The following ZNF626 variants were observed in gnomAD, a reference collection of about 807,000 sequenced individuals.
The protein encoded by ZNF626 is CTC-513N18.7.
A neutral mutation model predicts 11.7 loss-of-function variants in ZNF626; 4 were observed. The ratio of observed to expected loss-of-function variants is 0.34; its 90% CI spans 0.17 to 0.78. The LOEUF (loss-of-function observed/expected upper bound fraction) is 0.78. Ranked by LOEUF, ZNF626 falls within the 30% of genes least tolerant of loss-of-function variation. The pLI is 0.57. For missense variants in ZNF626, 588 were observed against 587.1 expected, an observed-to-expected ratio of 1.00 and a Z score of -0.01; for synonymous variants, 179 against 198.6, an observed-to-expected ratio of 0.90 and a Z score of 0.83.
At chr19:20,637,899 GA>G (rs1969983371) in intron 3 of ZNF626, among the ~76,000 whole-genome samples, 1 of 152,072 alleles carries the variant, frequency 6.6e-6, no homozygotes, top group Non-Finnish European at 1.5e-5. Flanking sequence ...TAGGACTTTG[GA>G]AGGCCAACGT....
chr19:20,622,157 C>G lies in ZNF626; in HGVS notation c.*2133G>C, dbSNP rs1213222119. On this transcript the variant is annotated 3_prime_UTR_variant, in exon 4 of 4. Transcript: ENST00000601440. ...ATTGTGCTGAGACTGCACTGCTGCCCTCCAGCCTGGGTGACAGAGCAAGAC... is the reference window on the plus strand; with the variant it reads ...ATTGTGCTGAGACTGCACTGCTGCCGTCCAGCCTGGGTGACAGAGCAAGAC... 6.6e-6 allele frequency: 1 copy of G among 152,096 alleles called. No homozygotes were observed. Among genetic ancestry groups the G allele is most frequent in the Admixed American group, 6.5e-5 (1 of 15,272 alleles). 9.4% of individuals were successfully genotyped at this position (152,096 alleles called of 1,614,324 possible).
intron 3 of ZNF626, among the ~76,000 whole-genome samples, chr19:20,626,718 C>T (rs782653335): frequency 6.6e-6 from 1 of 152,046 alleles, no homozygotes; most frequent in Admixed American, 6.6e-5. Flanking sequence ...GCAAGACTGT[C>T]TCAAAAATAA....
At chr19:20,645,906 C>A (rs904225859) in intron 2 of ZNF626, 127 bp from the exon 3 acceptor site, 18 of 684,212 alleles carry the variant, frequency 2.6e-5, no homozygotes, top group Non-Finnish European at 4.3e-6. Context: ...TAAGTTGTAA[C>A]AGAAATTTTT....
Position 20,646,358 on chromosome 19 carries a change from C to G in ZNF626, c.51G>C (p.Glu17Asp), listed in dbSNP as rs144530695. The change falls in exon 2 of 4, where the codon GAG becomes GAC. Residue 17 changes from glutamate (E) to aspartate (D), a missense_variant. Glu to Asp is a conservative substitution (Grantham distance 45, BLOSUM62 2). Coordinates refer to ENST00000601440, the MANE Select transcript of ZNF626 (RefSeq NM_001076675.3). ...GCTGTGCAGTGTCCAGGCAATGCCACTCCTCCAGAGAGAATTCTATGGCCA... is the reference window on the plus strand; with the variant it reads ...GCTGTGCAGTGTCCAGGCAATGCCAGTCCTCCAGAGAGAATTCTATGGCCA... ...RDVAIEFSLE[E>D]WHCLDTAQRN... The G allele has an allele frequency of 2.5e-6, 4 of 1,613,994 alleles. No individual in the cohort carries two copies. In the African/African-American group the frequency reaches 5.3e-5, roughly 22 times the overall value.
chr19:20,622,123 G>T lies in ZNF626; in HGVS notation c.*2167C>A, dbSNP rs1241791315. ...AATTTCTTGAACTTGGGAGGTGGAG[G>T]TTGCAGTCATTGTGCTGAGACTGCA... On this transcript the variant is annotated 3_prime_UTR_variant, in exon 4 of 4. Coordinates refer to ENST00000601440, the MANE Select transcript of ZNF626 (RefSeq NM_001076675.3). 6.6e-6 allele frequency: 1 copy of T among 152,200 alleles called. No homozygotes were observed. Among genetic ancestry groups the T allele is most frequent in the African/African-American group, 2.4e-5 (1 of 41,442 alleles). 9.4% of individuals were successfully genotyped at this position (152,200 alleles called of 1,614,324 possible).
chr19:20,653,459 A>C (rs1970169232), intron 1 of ZNF626, among the ~76,000 whole-genome samples: 1 of 152,080 alleles, frequency 6.6e-6, no homozygotes, highest in Non-Finnish European at 1.5e-5. Flanking sequence ...ATTGAAGAGG[A>C]CATCTGTGTA....
chr19:20,634,023 C>T (rs1234565387), intron 3 of ZNF626, among the ~76,000 whole-genome samples: 2 of 152,142 alleles, frequency 1.3e-5, no homozygotes, highest in African/African-American at 2.4e-5. Flanking sequence ...AACTGTCATA[C>T]TTTATAAAGT....
At chr19:20,625,745 T>A (rs1969823098) in intron 3 of ZNF626, 95 bp from the exon 4 acceptor site, 1 of 1,274,674 alleles carries the variant, frequency 7.8e-7, no homozygotes, top group Middle Eastern at 2.0e-4. Flanking sequence ...ACAAACTACA[T>A]AAGCAAGATG....
chr19:20,636,127 C>T (rs918708011), intron 3 of ZNF626, among the ~76,000 whole-genome samples: 3 of 151,978 alleles, frequency 2.0e-5, no homozygotes, highest in Non-Finnish European at 2.9e-5. Flanking sequence ...AGTGAAATTC[C>T]CTCTCAAAAA....
chr19:20,632,829 G>A (rs1463246336), intron 3 of ZNF626, among the ~76,000 whole-genome samples: 1 of 152,180 alleles, frequency 6.6e-6, no homozygotes, highest in Non-Finnish European at 1.5e-5. Context: ...TCCTGGTGAG[G>A]AGCTGCGTTC....
rs576007378 is a variant in ZNF626 at position 20,633,633 on chromosome 19, G to A, written c.227-7983C>T. Among the ~76,000 whole-genome samples, 18 of 152,278 alleles carry A rather than the reference G, an allele frequency of 1.2e-4. No individual in the cohort carries two copies. In the South Asian group the frequency reaches 2.1e-3, roughly 18 times the overall value. Reference sequence around the variant, plus strand: ...TCCTGGTGTGCCGTTTTTTAAGCCCGTTGGAAAAGCGCAGTATTAGGGTGG... The same window carrying A: ...TCCTGGTGTGCCGTTTTTTAAGCCCATTGGAAAAGCGCAGTATTAGGGTGG... On this transcript the variant is annotated intron_variant, in intron 3 of 3. Coordinates refer to ENST00000601440, the MANE Select transcript of ZNF626 (RefSeq NM_001076675.3).
chr19:20,644,792 T>G (rs1338777161), intron 3 of ZNF626: 2 of 152,048 alleles, frequency 1.3e-5, no homozygotes, highest in Non-Finnish European at 2.9e-5. Context: ...TAGCAAAATA[T>G]AAAATTAACA....
chr19:20,661,034 CG>C (rs1472710505), intron 1 of ZNF626, among the ~76,000 whole-genome samples: 2 of 152,246 alleles, frequency 1.3e-5, no homozygotes, highest in Non-Finnish European at 2.9e-5. Flanking sequence ...TGAGCCACAG[CG>C]TCCGGCCCCA....
intron 3 of ZNF626, among the ~76,000 whole-genome samples, chr19:20,635,939 C>T (rs1441595676): frequency 6.6e-6 from 1 of 152,072 alleles, no homozygotes; most frequent in Non-Finnish European, 1.5e-5. Flanking sequence ...TTGAGACCAA[C>T]CTGACCAAAA....
intron 3 of ZNF626, among the ~76,000 whole-genome samples, chr19:20,640,178 AAAT>A (rs1232740426): frequency 2.8e-5 from 4 of 141,424 alleles, no homozygotes; most frequent in Non-Finnish European, 6.0e-5. Context: ...ATTTTTAATA[AAAT>A]ATTATTTAAA....
At position 20,636,849 on chromosome 19, in the gene ZNF626, C is replaced by T. The variant is rs139522012; in HGVS notation, c.226+8835G>A. On this transcript the variant is annotated intron_variant, in intron 3 of 3. Transcript: ENST00000601440. ...CAGCCTGAATAACATGGTGAAACAC[C>T]GTTTGTACTAAAAGTGCAAAAATTA... 3.3e-5 allele frequency among the ~76,000 whole-genome samples: 5 copies of T among 151,950 alleles called. No individual in the cohort carries two copies. In the East Asian group the frequency reaches 7.8e-4, roughly 24 times the overall value.
chr19:20,653,812 T>C (rs1204612691), intron 1 of ZNF626, among the ~76,000 whole-genome samples: 3 of 152,166 alleles, frequency 2.0e-5, no homozygotes, highest in African/African-American at 7.2e-5. Flanking sequence ...CACATTTTGA[T>C]GAAAAAATAG....
chr19:20,645,930 A>C (rs1970072436), intron 2 of ZNF626, 151 bp from the exon 3 acceptor site: 2 of 643,034 alleles, frequency 3.1e-6, no homozygotes, highest in East Asian at 6.6e-5. Context: ...TAATTAGAAA[A>C]TACTTTCAAT....
intron 3 of ZNF626, among the ~76,000 whole-genome samples, chr19:20,629,824 G>C (rs111789058): frequency 3.9e-5 from 6 of 152,162 alleles, no homozygotes; most frequent in Admixed American, 3.3e-4. Flanking sequence ...TGTTGAATAG[G>C]AGTGGTGAGA....
Sources: gnomAD v4.1 joint callset for allele counts (sites outside exome capture counted in the v4.1 genomes callset) on GRCh38, gnomAD v4.1.1 for gene constraint, MANE v1.5 for transcripts, NCBI Gene and HGNC (gene_info 2026-07-23, HGNC 2026-07-21) for gene names.